Variants in TBC1D16 observed in about 807,000 individuals in gnomAD.
TBC1D16 encodes TBC1 domain family member 16.
TBC1D16 carries 58 observed loss-of-function variants against 74.7 expected under a neutral mutation model. The ratio of observed to expected loss-of-function variants is 0.78; its 90% CI spans 0.63 to 0.97. The LOEUF is 0.97. TBC1D16 is among the 50% of genes least tolerant of loss of function. TBC1D16 has a pLI of 0.00. For synonymous variants in TBC1D16, 493 were observed against 474.7 expected (o/e 1.04, Z -0.50); for missense variants, 1,014 against 1,079.5 (o/e 0.94, Z 0.85).
rs147885234 is a variant in TBC1D16 at position 79,947,795 on chromosome 17, G to A, written c.1578C>T (p.Ala526=). Reference sequence around the variant, plus strand: ...CCGACATCCCTTGGGAATAGCCGACGGCAGGGTTGTACACGGCGTAGTTCA... The same window carrying A: ...CCGACATCCCTTGGGAATAGCCGACAGCAGGGTTGTACACGGCGTAGTTCA... The part of the protein sequence containing the change: ...ILLNYAVYNP[A]VGYSQGMSDL... The change falls in exon 9 of 12, where the codon GCC becomes GCT. Residue 526 remains alanine (A), a synonymous_variant. Coordinates refer to ENST00000310924, the MANE Select transcript of TBC1D16 (RefSeq NM_019020.4). 2.2e-5 allele frequency: 35 copies of A among 1,613,610 alleles called. No homozygotes were observed. Among genetic ancestry groups the A allele is most frequent in the South Asian group, 8.8e-5 (8 of 91,092 alleles).
chr17:80,014,578 A>T (rs143417047), intron 1 of TBC1D16, among the ~76,000 whole-genome samples: 1,998 of 152,230 alleles, frequency 0.013, 19 homozygotes, highest in South Asian at 0.042. Context: ...ATTTTAAGTC[A>T]AAAAATACTG....
chr17:79,950,211 G>GTT lies in TBC1D16; in HGVS notation c.1257+198_1257+199dup, dbSNP rs561768026. The stretch of plus-strand genomic sequence containing the variant: ...ACCCTCGAGGGAGGTGTTGTGTTTT[G>GTT]TTTTTTTTTTTCAACGCAGCAGCTT... On this transcript the variant is annotated intron_variant, in intron 6 of 11. Coordinates refer to ENST00000310924, the MANE Select transcript of TBC1D16 (RefSeq NM_019020.4). The surrounding 1 kb of genome is among the most constrained non-coding windows in gnomAD (Gnocchi z 4.6). 5.5e-5 allele frequency among the ~76,000 whole-genome samples: 8 copies of GTT among 146,180 alleles called. No individual in the cohort carries two copies. Among genetic ancestry groups the GTT allele is most frequent in the Non-Finnish European group, 1.1e-4 (7 of 65,952 alleles).
Position 79,944,757 on chromosome 17 carries a change from C to G in TBC1D16, c.1908+151G>C, listed in dbSNP as rs1237549572. 2 of 716,310 alleles carry G rather than the reference C, an allele frequency of 2.8e-6. No individual in the cohort carries two copies. The highest frequency in any genetic ancestry group is 2.2e-6 in the Non-Finnish European group (1 of 446,498). 44.4% of individuals were successfully genotyped at this position (716,310 alleles called of 1,614,324 possible). A position where few individuals can be genotyped will look rare whatever the true frequency, so the allele number is the denominator to read the frequency against. On this transcript the variant is annotated intron_variant, in intron 10 of 11. Transcript: ENST00000310924. This position sits in a 1 kb window ranked among gnomAD's most constrained non-coding sequence, Gnocchi z 7.7. ...GAGCTGTAAGGTCTGAAGCCAGCCA[C>G]GTGGGACGGGAAGGCAGTCGCCGTA...
At chr17:80,031,914 C>T (rs2036789196) in intron 1 of TBC1D16, among the ~76,000 whole-genome samples, 1 of 152,196 alleles carries the variant, frequency 6.6e-6, no homozygotes, top group African/African-American at 2.4e-5. Context: ...GCAGTGAATG[C>T]ACCGCAAAAC....
At chr17:79,978,369 G>A (rs2034429033) in intron 3 of TBC1D16, among the ~76,000 whole-genome samples, 1 of 152,126 alleles carries the variant, frequency 6.6e-6, no homozygotes, top group Non-Finnish European at 1.5e-5. Flanking sequence ...AAGCGGGCAG[G>A]CACATCCTTC....
intron 2 of TBC1D16, among the ~76,000 whole-genome samples, chr17:80,013,166 C>T (rs1269255076): frequency 6.6e-6 from 1 of 152,260 alleles, no homozygotes; most frequent in East Asian, 1.9e-4. Flanking sequence ...AGCAGCAGGG[C>T]TGAGGGACTC....
rs992962000 is a variant in TBC1D16, at chr17:80,001,995, C to T, written c.779+8165G>A. On this transcript the variant is annotated intron_variant, in intron 3 of 11. Transcript: ENST00000310924. The surrounding 1 kb of genome is among the most constrained non-coding windows in gnomAD (Gnocchi z 5.8). ...ATTCGTGTGCCACCGCTCACTTCTT[C>T]GCCCACCTCCAGGAGTTTCTAATCC... Among the ~76,000 whole-genome samples the T allele has an allele frequency of 2.0e-5, 3 of 152,236 alleles. No individual in the cohort carries two copies. Among genetic ancestry groups the T allele is most frequent in the African/African-American group, 4.8e-5 (2 of 41,542 alleles).
rs1199463862 is a variant in TBC1D16 at position 79,980,530 on chromosome 17, T to A, written c.780-27712A>T. ...CGCAGGCCCTGGAGGACCCTGAAGA[T>A]CACCAGGCCCAGTCTGTTCCTCTCC... On this transcript the variant is annotated intron_variant, in intron 3 of 11. Transcript: ENST00000310924. The surrounding 1 kb of genome is among the most constrained non-coding windows in gnomAD (Gnocchi z 7.0). 6.6e-6 allele frequency among the ~76,000 whole-genome samples: 1 copy of A among 152,002 alleles called. No homozygotes were observed. Among genetic ancestry groups the A allele is most frequent in the African/African-American group, 2.4e-5 (1 of 41,370 alleles).
In TBC1D16 at chr17:79,940,885, G is replaced by C. The variant is rs986725651; in HGVS notation, c.2278C>G (p.Gln760Glu). The change falls in exon 12 of 12, where the codon CAG becomes GAG. Residue 760 changes from glutamine (Q) to glutamate (E), a missense_variant. Transcript: ENST00000310924. The surrounding 1 kb of genome is among the most constrained non-coding windows in gnomAD (Gnocchi z 5.4). Reference protein sequence around the residue: ...REGKKGPKTPQDGFGFRR With the variant: ...REGKKGPKTPEDGFGFRR ...TATCTGCGGAAGCCGAAGCCGTCCT[G>C]CGGCGTCTTTGGGCCCTTCTTGCCT... 11 of 1,569,138 alleles carry C rather than the reference G, an allele frequency of 7.0e-6. No homozygotes were observed. The highest frequency in any genetic ancestry group is 9.6e-6 in the Non-Finnish European group (11 of 1,151,084).
At chr17:79,952,877 G>A (rs767392784) in intron 3 of TBC1D16, 59 bp from the exon 4 acceptor site, 59 of 1,547,322 alleles carry the variant, frequency 3.8e-5, no homozygotes, top group Non-Finnish European at 5.1e-5. Flanking sequence ...CTACCCAGAG[G>A]GGGACGGGGG....
chr17:79,952,729 C>T lies in TBC1D16; in HGVS notation c.869G>A (p.Cys290Tyr), dbSNP rs754578200. The T allele has an allele frequency of 5.0e-6, 8 of 1,612,488 alleles. No individual in the cohort carries two copies. The highest frequency in any genetic ancestry group is 6.8e-6 in the Non-Finnish European group (8 of 1,179,370). ...TPRWDEPQRV[C>Y]ALEQICGVFR... is the part of the protein sequence containing the mutation. ...CACGCCGCAAATCTGCTCCAGGGCG[C>T]ACACCCGCTGCGGCTCGTCCCAGCG... Residue 290 changes from cysteine (C) to tyrosine (Y), a missense_variant, in exon 4 of 12, where the codon TGC becomes TAC. Coordinates refer to ENST00000310924, the MANE Select transcript of TBC1D16 (RefSeq NM_019020.4).
At position 80,008,516 on chromosome 17, in the gene TBC1D16, C is replaced by T. The variant is rs937693665; in HGVS notation, c.779+1644G>A. Among the ~76,000 whole-genome samples, 2 of 152,194 alleles carry T rather than the reference C, an allele frequency of 1.3e-5. No individual in the cohort carries two copies. The highest frequency in any genetic ancestry group is 4.8e-5 in the African/African-American group (2 of 41,428). ...AACTGGGACCTTCCCCTCGCCTGGG[C>T]CCTGGGGATGCAGGGACACGGGGAC... On this transcript the variant is annotated intron_variant, in intron 3 of 11. Coordinates refer to ENST00000310924, the MANE Select transcript of TBC1D16 (RefSeq NM_019020.4). The surrounding 1 kb of genome is among the most constrained non-coding windows in gnomAD (Gnocchi z 4.5).
In TBC1D16 at chr17:79,993,633, T is replaced by A. The variant is rs1267639577; in HGVS notation, c.779+16527A>T. 1 of 152,244 alleles carries A rather than the reference T, an allele frequency of 6.6e-6. No homozygotes were observed. Among genetic ancestry groups the A allele is most frequent in the African/African-American group, 2.4e-5 (1 of 41,448 alleles). 9.4% of individuals were successfully genotyped at this position (152,244 alleles called of 1,614,324 possible). ...GGGAAGATTTCATCAGGTGCTGGGT[T>A]ACATTGCAACAGCCAGGCGTGGTTC... On this transcript the variant is annotated intron_variant, in intron 3 of 11. Transcript: ENST00000310924. This position sits in a 1 kb window ranked among gnomAD's most constrained non-coding sequence, Gnocchi z 5.1.
At position 80,000,585 on chromosome 17, in the gene TBC1D16, C is replaced by T. The variant is rs567319487; in HGVS notation, c.779+9575G>A. Among the ~76,000 whole-genome samples the T allele has an allele frequency of 1.3e-5, 2 of 152,302 alleles. No homozygotes were observed. Among genetic ancestry groups the T allele is most frequent in the African/African-American group, 4.8e-5 (2 of 41,558 alleles). ...ATACATTTCTCTTGTTTCAAGCACCCGGTTTGTGGTCCTTTGTCACAGCAG... is the reference window on the plus strand; with the variant it reads ...ATACATTTCTCTTGTTTCAAGCACCTGGTTTGTGGTCCTTTGTCACAGCAG... On this transcript the variant is annotated intron_variant, in intron 3 of 11. Transcript: ENST00000310924. This position sits in a 1 kb window ranked among gnomAD's most constrained non-coding sequence, Gnocchi z 4.1.
rs2031474071 is a variant in TBC1D16 at position 79,934,699 on chromosome 17, G to C, written c.*6160C>G. 6.6e-6 allele frequency: 1 copy of C among 152,392 alleles called. No individual in the cohort carries two copies. The highest frequency in any genetic ancestry group is 2.4e-5 in the African/African-American group (1 of 41,466). 9.4% of individuals were successfully genotyped at this position (152,392 alleles called of 1,614,324 possible). On this transcript the variant is annotated 3_prime_UTR_variant, in exon 12 of 12. Transcript: ENST00000310924. ...ACCTGCCCAGCCAGCCTTGGGAGGG[G>C]CACCCCTGGGCATGTGGAGAGGAGG... is the stretch of plus-strand genomic sequence containing the variant.
intron 3 of TBC1D16, among the ~76,000 whole-genome samples, chr17:79,970,841 A>G (rs77431872): frequency 0.026 from 3,783 of 148,054 alleles, 67 homozygotes; most frequent in South Asian, 0.059. Context: ...TACGAGTCCC[A>G]GTGCAAAAAC....
At chr17:79,984,717 AAC>A (rs1373470814) in intron 3 of TBC1D16, among the ~76,000 whole-genome samples, 5 of 150,544 alleles carry the variant, frequency 3.3e-5, no homozygotes, top group Non-Finnish European at 7.4e-5. Context: ...AAAAAAAAAA[AAC>A]AGTTAAAAAG....
rs545313965 is a variant in TBC1D16, at chr17:79,943,868, G to A, written c.1908+1040C>T. On this transcript the variant is annotated intron_variant, in intron 10 of 11. Transcript: ENST00000310924. ...GCGGCAAATCTGCCACTGGGAAAAC[G>A]TGCAATGAGGCACGATTTTTTTTAA... 66 of 1,398,018 alleles carry A rather than the reference G, an allele frequency of 4.7e-5. No homozygotes were observed. The African/African-American group carries it at 7.0e-4, about 15-fold the overall frequency. The allele number at this position is 1,398,018 out of a possible 1,614,324, so 86.6% of individuals were successfully genotyped here. A position where few individuals can be genotyped will look rare whatever the true frequency, so the allele number is the denominator to read the frequency against.
intron 1 of TBC1D16, among the ~76,000 whole-genome samples, chr17:80,019,212 C>T (rs1568643138): frequency 6.7e-6 from 1 of 150,078 alleles, no homozygotes; most frequent in Non-Finnish European, 1.5e-5. Context: ...AAGGAGATTC[C>T]GAAATACAAG....
Sources: allele counts gnomAD v4.1 joint callset (sites outside exome capture counted in the v4.1 genomes callset), GRCh38; gene constraint gnomAD v4.1.1; non-coding constraint Gnocchi (gnomAD v3.1); transcripts MANE v1.5; gene names NCBI Gene and HGNC (gene_info 2026-07-23, HGNC 2026-07-21).